ATP10B: variants seen among roughly 807,000 people sequenced by gnomAD.
ATP10B encodes ATPase phospholipid transporting 10B (putative).
A neutral mutation model predicts 141.2 loss-of-function variants in ATP10B; 122 were observed. That is an observed-to-expected ratio of 0.86 (90% CI 0.75 to 1.00). The LOEUF (loss-of-function observed/expected upper bound fraction) is 1.00. ATP10B is among the 50% of genes least tolerant of loss of function. ATP10B has a pLI of 0.00. For synonymous variants in ATP10B, 685 were observed against 692.0 expected (o/e 0.99, Z 0.16); for missense variants, 1,876 against 1,825.3 (o/e 1.03, Z -0.51).
chr5:160,578,364 G>A (rs188950444), intron 24 of ATP10B, among the ~76,000 whole-genome samples: 4 of 152,238 alleles, frequency 2.6e-5, no homozygotes, highest in African/African-American at 9.6e-5. Context: ...ACAGGCCCAA[G>A]TGTGTGATGT....
chr5:160,572,354 A>G (rs572246107), intron 24 of ATP10B, among the ~76,000 whole-genome samples: 2 of 152,270 alleles, frequency 1.3e-5, no homozygotes, highest in African/African-American at 4.8e-5. Flanking sequence ...AATTCTTGTT[A>G]TATTTCTATC....
At chr5:160,820,203 G>T (rs1258412140) in intron 1 of ATP10B, among the ~76,000 whole-genome samples, 2 of 151,674 alleles carry the variant, frequency 1.3e-5, no homozygotes, top group Non-Finnish European at 2.9e-5. Flanking sequence ...CCTTACAACT[G>T]ATACCACAGA....
chr5:160,762,549 TG>T (rs1236326463), intron 2 of ATP10B, among the ~76,000 whole-genome samples: 3 of 151,924 alleles, frequency 2.0e-5, no homozygotes, highest in Admixed American at 6.6e-5. Context: ...CTACAAGAAA[TG>T]GCAAAAGGAG....
intron 1 of ATP10B, among the ~76,000 whole-genome samples, chr5:160,787,546 T>C (rs1239129924): frequency 2.0e-5 from 3 of 152,210 alleles, no homozygotes. Flanking sequence ...GTGAGACTTT[T>C]TAATTTTCTC....
At chr5:160,899,456 T>C in the ATP10B span, among the ~76,000 whole-genome samples, 1 of 152,200 alleles carries the variant, frequency 6.6e-6, no homozygotes, top group Admixed American at 6.5e-5. Flanking sequence ...GACGGATGTG[T>C]TTTTGGTCTT....
At chr5:160,782,494 G>A (rs1280655639) in intron 2 of ATP10B, among the ~76,000 whole-genome samples, 1 of 142,770 alleles carries the variant, frequency 7.0e-6, no homozygotes, top group Non-Finnish European at 1.5e-5. Context: ...CTCACTTTAG[G>A]AGCCCAGCCT....
At chr5:160,613,283 G>A (rs1757823408) in intron 17 of ATP10B, among the ~76,000 whole-genome samples, 1 of 152,178 alleles carries the variant, frequency 6.6e-6, no homozygotes, top group Non-Finnish European at 1.5e-5. Context: ...AAAATTCCAG[G>A]TAGAGGGATC....
chr5:160,626,518 A>G (rs1561666104), intron 13 of ATP10B, among the ~76,000 whole-genome samples: 2 of 152,230 alleles, frequency 1.3e-5, no homozygotes, highest in Non-Finnish European at 2.9e-5. Context: ...CCCAGGTCAT[A>G]AAATCGCAGA....
In ATP10B at chr5:160,565,273, G is replaced by A; in HGVS notation, c.*180C>T. The A allele has an allele frequency of 1.6e-6, 1 of 631,840 alleles. No homozygotes were observed. Among genetic ancestry groups the A allele is most frequent in the Non-Finnish European group, 2.7e-6 (1 of 365,708 alleles). The allele number at this position is 631,840 out of a possible 1,614,324, so 39.1% of individuals were successfully genotyped here. ...AGCAGCAGAAAACTAGAGGCCGACT[G>A]GGTTTCCCGTCTTTGTGTCAGACCC... On this transcript the variant is annotated 3_prime_UTR_variant, in exon 26 of 26. Coordinates refer to ENST00000327245, the MANE Select transcript of ATP10B (RefSeq NM_025153.3).
intron 7 of ATP10B, among the ~76,000 whole-genome samples, chr5:160,653,558 A>T (rs1372099615): frequency 3.9e-5 from 5 of 127,252 alleles, no homozygotes; most frequent in African/African-American, 1.5e-4. Context: ...ACATATATAC[A>T]TATATATTAC....
At chr5:160,873,839 T>C in the ATP10B span, among the ~76,000 whole-genome samples, 1 of 152,158 alleles carries the variant, frequency 6.6e-6, no homozygotes, top group African/African-American at 2.4e-5. Context: ...GCTTAAAAAA[T>C]GGTGCACCAC....
At position 160,641,527 on chromosome 5, in the gene ATP10B, G is replaced by A. The variant is rs537795672; in HGVS notation, c.869-935C>T. Among the ~76,000 whole-genome samples, 12 of 152,306 alleles carry A rather than the reference G, an allele frequency of 7.9e-5. No homozygotes were observed. The South Asian group carries it at 2.5e-3, about 32-fold the overall frequency. Reference sequence around the variant, plus strand: ...AAGCTGAGGGCTAGAGGGTAAAAAGGATCTGCCCAAAGTGAAAGAATAAGT... The same window carrying A: ...AAGCTGAGGGCTAGAGGGTAAAAAGAATCTGCCCAAAGTGAAAGAATAAGT... On this transcript the variant is annotated intron_variant, in intron 9 of 25. Coordinates refer to ENST00000327245, the MANE Select transcript of ATP10B (RefSeq NM_025153.3).
At chr5:160,849,855 C>T (rs1753690824) in intron 1 of ATP10B, among the ~76,000 whole-genome samples, 1 of 152,040 alleles carries the variant, frequency 6.6e-6, no homozygotes, top group African/African-American at 2.4e-5. Context: ...GAAACTTAAA[C>T]TTTGTAGTTA....
At chr5:160,640,675 G>T (rs977875468) in intron 9 of ATP10B, 83 bp from the exon 10 acceptor site, 1 of 1,521,258 alleles carries the variant, frequency 6.6e-7, no homozygotes, top group East Asian at 2.3e-5. Context: ...TCTCACAGGA[G>T]CTTAAGATAA....
chr5:160,632,422 G>T, intron 12 of ATP10B, 55 bp from the exon 13 acceptor site: 1 of 1,544,602 alleles, frequency 6.5e-7, no homozygotes, highest in South Asian at 1.1e-5. Context: ...GGACCATGTT[G>T]GGGAAAACCT....
At chr5:160,697,128 G>A (rs1344606915) in intron 3 of ATP10B, among the ~76,000 whole-genome samples, 1 of 152,062 alleles carries the variant, frequency 6.6e-6, no homozygotes, top group Non-Finnish European at 1.5e-5. Flanking sequence ...CTATGTTAGT[G>A]TTTATTTACT....
chr5:160,754,994 C>T (rs754029584), intron 2 of ATP10B, among the ~76,000 whole-genome samples: 7 of 152,168 alleles, frequency 4.6e-5, no homozygotes, highest in Admixed American at 6.5e-5. Context: ...TGTAATAGTC[C>T]ATTTTCACAC....
At chr5:160,611,195 A>T (rs1276188730) in intron 18 of ATP10B, among the ~76,000 whole-genome samples, 3 of 152,138 alleles carry the variant, frequency 2.0e-5, no homozygotes, top group Non-Finnish European at 4.4e-5. Context: ...GGACAGAAAG[A>T]TTCGTCATTG....
At chr5:160,867,466 AAC>A in the ATP10B span, among the ~76,000 whole-genome samples, 2 of 152,136 alleles carry the variant, frequency 1.3e-5, no homozygotes, top group African/African-American at 4.8e-5. Flanking sequence ...TTTATTTTAG[AAC>A]ACACACAGAA....
Sources: allele counts gnomAD v4.1 joint callset (sites outside exome capture counted in the v4.1 genomes callset), GRCh38; gene constraint gnomAD v4.1.1; transcripts MANE v1.5; gene names NCBI Gene and HGNC (gene_info 2026-07-23, HGNC 2026-07-21).